Variants in MLLT10 observed in about 807,000 individuals in gnomAD.
MLLT10 encodes the protein protein AF-10.
Under a neutral mutation model 129.1 loss-of-function variants are expected in MLLT10, and 30 were observed. The observed-to-expected ratio is 0.23, with a 90% confidence interval of 0.17 to 0.32. MLLT10 has a LOEUF of 0.32. Ranked by LOEUF, MLLT10 falls within the 10% of genes least tolerant of loss-of-function variation. The probability of loss-of-function intolerance (pLI) is 1.00; values close to 1 mark genes in which losing one functional copy is unlikely to be tolerated. For synonymous variants in MLLT10, 490 were observed against 446.4 expected (o/e 1.10, Z -1.23); for missense variants, 1,119 against 1,268.3 (o/e 0.88, Z 1.79).
intron 9 of MLLT10, among the ~76,000 whole-genome samples, chr10:21,660,274 A>G (rs1564597700): frequency 6.8e-6 from 1 of 147,434 alleles, no homozygotes; most frequent in Admixed American, 6.7e-5. Context: ...GGCCACTTTA[A>G]TTTTTGTTTG....
chr10:21,730,079 G>A (rs1472707040), intron 16 of MLLT10, among the ~76,000 whole-genome samples: 1 of 152,020 alleles, frequency 6.6e-6, no homozygotes, highest in African/African-American at 2.4e-5. Flanking sequence ...ACTAAGCTGG[G>A]CAACATGGTG....
At chr10:21,650,987 G>T (rs1275791000) in intron 8 of MLLT10, among the ~76,000 whole-genome samples, 6 of 152,196 alleles carry the variant, frequency 3.9e-5, no homozygotes, top group African/African-American at 1.2e-4. Context: ...GAAGTGCTAT[G>T]TAAACTTTAA....
chr10:21,740,804 C>G (rs1444389114), intron 22 of MLLT10, among the ~76,000 whole-genome samples: 3 of 152,192 alleles, frequency 2.0e-5, no homozygotes, highest in Non-Finnish European at 2.9e-5. Flanking sequence ...GAACAGTATT[C>G]TACACATACA....
At chr10:21,620,400 A>T (rs1056149769) in intron 8 of MLLT10, among the ~76,000 whole-genome samples, 3 of 152,236 alleles carry the variant, frequency 2.0e-5, no homozygotes, top group Non-Finnish European at 4.4e-5. Flanking sequence ...GTACACTGGT[A>T]TGAAAACTAT....
chr10:21,716,133 A>G (rs991940135), intron 14 of MLLT10, among the ~76,000 whole-genome samples: 1 of 152,244 alleles, frequency 6.6e-6, no homozygotes, highest in Non-Finnish European at 1.5e-5. Context: ...TTTCTAGGCA[A>G]TGTGCAAAGG....
At chr10:21,612,496 C>A in intron 6 of MLLT10, 45 bp downstream of exon 6, 2 of 1,190,748 alleles carry the variant, frequency 1.7e-6, no homozygotes, top group Non-Finnish European at 1.2e-6. Context: ...TTGGTAAATA[C>A]CTTGTGTAAC....
At chr10:21,584,250 G>A (rs1288040890) in intron 3 of MLLT10, among the ~76,000 whole-genome samples, 3 of 148,136 alleles carry the variant, frequency 2.0e-5, no homozygotes, top group Admixed American at 6.9e-5. Context: ...TGCAACCTCC[G>A]CCTTCCGGTT....
intron 9 of MLLT10, among the ~76,000 whole-genome samples, chr10:21,664,442 T>C (rs2131356741): frequency 6.6e-6 from 1 of 151,910 alleles, no homozygotes; most frequent in East Asian, 1.9e-4. Flanking sequence ...GCCTCCCAAG[T>C]AGCTGGGACT....
intron 13 of MLLT10, among the ~76,000 whole-genome samples, chr10:21,693,300 A>G (rs1394304582): frequency 1.3e-5 from 2 of 152,150 alleles, no homozygotes; most frequent in African/African-American, 4.8e-5. Context: ...TGCATGTTTA[A>G]TATGTATACA....
At chr10:21,717,629 C>CTCT (rs1554864211) in intron 14 of MLLT10, among the ~76,000 whole-genome samples, 1 of 129,358 alleles carries the variant, frequency 7.7e-6, no homozygotes, top group African/African-American at 3.2e-5. Flanking sequence ...CTTCCTCCTC[C>CTCT]TCCTCCTCCT....
intron 9 of MLLT10, among the ~76,000 whole-genome samples, chr10:21,660,871 CAAAA>C (rs770411226): frequency 0.034 from 2,733 of 81,376 alleles, 44 homozygotes; most frequent in Middle Eastern, 0.078. Flanking sequence ...AACTCTGTCT[CAAAA>C]AAAAAAAAAA....
intron 8 of MLLT10, among the ~76,000 whole-genome samples, chr10:21,633,462 T>C (rs975947694): frequency 6.6e-6 from 1 of 152,180 alleles, no homozygotes; most frequent in Non-Finnish European, 1.5e-5. Flanking sequence ...CCCAGCTCTT[T>C]GGGAGGCCAA....
At chr10:21,689,569 A>ATG (rs2053631739) in intron 13 of MLLT10, among the ~76,000 whole-genome samples, 2 of 83,186 alleles carry the variant, frequency 2.4e-5, no homozygotes, top group Admixed American at 1.5e-4. Context: ...ATATATGTAT[A>ATG]TATATATATA....
At chr10:21,736,267 A>G (rs1477005929) in intron 21 of MLLT10, among the ~76,000 whole-genome samples, 1 of 152,014 alleles carries the variant, frequency 6.6e-6, no homozygotes, top group Non-Finnish European at 1.5e-5. Context: ...CGTATTGAAA[A>G]CTGCCTGGAA....
chr10:21,676,404 C>T (rs1334372355), intron 11 of MLLT10, among the ~76,000 whole-genome samples: 3 of 147,492 alleles, frequency 2.0e-5, no homozygotes, highest in Non-Finnish European at 3.0e-5. Flanking sequence ...GGCGACAGAG[C>T]GAGACTCCGT....
intron 4 of MLLT10, among the ~76,000 whole-genome samples, chr10:21,594,449 T>G (rs1284333821): frequency 6.6e-6 from 1 of 151,244 alleles, no homozygotes; most frequent in East Asian, 1.9e-4. Context: ...CTGGGTCATT[T>G]GTATTGTAAA....
intron 4 of MLLT10, among the ~76,000 whole-genome samples, chr10:21,587,418 T>A (rs1235865957): frequency 8.3e-6 from 1 of 119,958 alleles, no homozygotes; most frequent in Admixed American, 1.0e-4. Context: ...AGTGAGACCC[T>A]GCCTCAAAAA....
chr10:21,574,803 C>G (rs1212311755), intron 3 of MLLT10, among the ~76,000 whole-genome samples: 2 of 152,176 alleles, frequency 1.3e-5, no homozygotes, highest in Non-Finnish European at 2.9e-5. Flanking sequence ...GTATAATGAG[C>G]AGTGAGGACG....
chr10:21,680,393 A>G (rs1271479807), intron 11 of MLLT10, among the ~76,000 whole-genome samples: 1 of 151,408 alleles, frequency 6.6e-6, no homozygotes, highest in Admixed American at 6.6e-5. Context: ...TTTAGTAGAG[A>G]CGGGGTTTCG....
Sources: allele counts gnomAD v4.1 joint callset (sites outside exome capture counted in the v4.1 genomes callset), GRCh38; gene constraint gnomAD v4.1.1; transcripts MANE v1.5; gene names NCBI Gene and HGNC (gene_info 2026-07-23, HGNC 2026-07-21).